AKT1: variants seen among roughly 807,000 people sequenced by gnomAD.
AKT1 encodes AKT serine/threonine kinase 1.
In AKT1, 21 loss-of-function variants were observed where a neutral mutation model predicts 63.1. That is an observed-to-expected ratio of 0.33 (90% confidence interval 0.24 to 0.48). The LOEUF is 0.48. Ranked by LOEUF, AKT1 falls within the 20% of genes least tolerant of loss-of-function variation. The probability of loss-of-function intolerance (pLI) is 0.99; values close to 1 mark genes in which losing one functional copy is unlikely to be tolerated. For missense variants in AKT1, 382 were observed against 666.0 expected (o/e 0.57, Z 4.69); for synonymous variants, 257 against 253.1 (o/e 1.02, Z -0.15).
intron 3 of AKT1, among the ~76,000 whole-genome samples, chr14:104,783,850 C>A (rs1893198792): frequency 6.6e-6 from 1 of 152,222 alleles, no homozygotes; most frequent in Non-Finnish European, 1.5e-5. Flanking sequence ...GGTCCCAGTG[C>A]AACCCCGGCC....
chr14:104,779,209 C>T (rs1445204160), intron 4 of AKT1, among the ~76,000 whole-genome samples: 1 of 152,220 alleles, frequency 6.6e-6, no homozygotes, highest in African/African-American at 2.4e-5. Context: ...CAGGGCGGAG[C>T]AGGGAGCGTC....
intron 3 of AKT1, among the ~76,000 whole-genome samples, chr14:104,782,293 G>A (rs36214562): frequency 0.014 from 2,145 of 151,398 alleles, 30 homozygotes; most frequent in Non-Finnish European, 0.022. Flanking sequence ...GCCACTCCCC[G>A]GGACGCTAAC....
chr14:104,790,863 G>C (rs985797186), intron 3 of AKT1, among the ~76,000 whole-genome samples: 22 of 152,316 alleles, frequency 1.4e-4, no homozygotes, highest in Middle Eastern at 3.4e-3. Context: ...CCGCTCCCTG[G>C]TGTAGATGGG....
rs895455796 is a variant in AKT1 at position 104,795,277 on chromosome 14, G to C, written c.-258+207C>G. ...GCTGGGGCCGGCAGCCTGCACCCCC[G>C]GCGCCCGGCGTGGGGCCGCCCTCCC... On this transcript the variant is annotated intron_variant, in intron 1 of 14. Coordinates refer to ENST00000649815, the MANE Select transcript of AKT1 (RefSeq NM_001382430.1). The surrounding 1 kb of genome is among the most constrained non-coding windows in gnomAD (Gnocchi z 5.1). Among the ~76,000 whole-genome samples, 1 of 150,736 alleles carries C rather than the reference G, an allele frequency of 6.6e-6. No individual in the cohort carries two copies. The highest frequency in any genetic ancestry group is 1.5e-5 in the Non-Finnish European group (1 of 67,548).
rs773607483 is a variant in AKT1 at position 104,772,427 on chromosome 14, T to C, written c.1198A>G (p.Lys400Glu). The C allele has an allele frequency of 2.8e-5, 45 of 1,613,494 alleles. No individual in the cohort carries two copies. Among genetic ancestry groups the C allele is most frequent in the Non-Finnish European group, 3.8e-5 (45 of 1,180,042 alleles). Residue 400 changes from lysine (K) to glutamate (E), a missense_variant, in exon 13 of 15, where the codon AAG becomes GAG. Physicochemically the swap from Lys to Glu is moderately conservative, Grantham distance 56. Around this residue, in one of 3 missense-constraint regions of AKT1, gnomAD observed 90 missense variants for 120.5 expected, o/e 0.75. Coordinates refer to ENST00000649815, the MANE Select transcript of AKT1 (RefSeq NM_001382430.1). ...AAGAAGCGATGCTGCATGATCTCCT[T>C]GGCGTCCTCGGAGCCCCCGCCAAGC... is the stretch of plus-strand genomic sequence containing the variant. ...QRLGGGSEDAKEIMQHRFFAG... is the reference protein window; with the variant it reads ...QRLGGGSEDAEEIMQHRFFAG...
rs61759795 is a variant in AKT1, at chr14:104,784,307, C to T, written c.47-4091G>A. On this transcript the variant is annotated intron_variant, in intron 3 of 14. Coordinates refer to ENST00000649815, the MANE Select transcript of AKT1 (RefSeq NM_001382430.1). ...TGCCTGATGAAACCCGTAACCCTCC[C>T]CACCAGCCAGCACATCCATGGCCCA... 2.3e-3 allele frequency among the ~76,000 whole-genome samples: 347 copies of T among 152,338 alleles called. 1 individual carries two copies. The highest frequency in any genetic ancestry group is 8.0e-3 in the African/African-American group (332 of 41,584).
Position 104,769,834 on chromosome 14 carries a change from G to A in AKT1, c.*507C>T. The A allele has an allele frequency of 2.6e-6, 1 of 390,870 alleles. No homozygotes were observed. Among genetic ancestry groups the A allele is most frequent in the South Asian group, 2.4e-5 (1 of 41,152 alleles). The allele number at this position is 390,870 out of a possible 1,614,324, so 24.2% of individuals were successfully genotyped here. A position where few individuals can be genotyped will look rare whatever the true frequency, so the allele number is the denominator to read the frequency against. ...CCTCAGAGACACGGCCTTAGTGCTG[G>A]GGGGCTGCTGTGTGCCTGCCACCCC... On this transcript the variant is annotated 3_prime_UTR_variant, in exon 15 of 15. Transcript: ENST00000649815.
intron 3 of AKT1, among the ~76,000 whole-genome samples, chr14:104,791,769 T>TA (rs1192049603): frequency 1.3e-5 from 2 of 152,174 alleles, no homozygotes; most frequent in African/African-American, 4.8e-5. Context: ...ATGAGATCAC[T>TA]AGAACTTAGG....
At chr14:104,790,448 C>A (rs1310222456) in intron 3 of AKT1, among the ~76,000 whole-genome samples, 1 of 150,512 alleles carries the variant, frequency 6.6e-6, no homozygotes, top group Non-Finnish European at 1.5e-5. Flanking sequence ...GTACCTCTAA[C>A]CAGTGTTGCG....
At chr14:104,774,818 G>T in intron 8 of AKT1, 120 bp downstream of exon 8, 1 of 1,119,132 alleles carries the variant, frequency 8.9e-7, no homozygotes, top group Non-Finnish European at 1.3e-6. Flanking sequence ...CACCAGCGGC[G>T]GAGTCCACGG....
intron 3 of AKT1, among the ~76,000 whole-genome samples, chr14:104,782,397 C>T (rs1752230249): frequency 6.6e-6 from 1 of 152,102 alleles, no homozygotes; most frequent in South Asian, 2.1e-4. Flanking sequence ...CCAGCATGGC[C>T]CCGTGCTGCC....
chr14:104,773,163 G>A (rs749553301), intron 11 of AKT1, 71 bp from the exon 12 acceptor site: 20 of 1,609,812 alleles, frequency 1.2e-5, no homozygotes, highest in East Asian at 4.5e-5. Context: ...GAGGTGTGAC[G>A]TGCTTGGGGC....
chr14:104,774,195 C>T, intron 8 of AKT1: 1 of 575,682 alleles, frequency 1.7e-6, no homozygotes, highest in South Asian at 1.9e-5. Flanking sequence ...CCACACCATA[C>T]ACCCCCACAT....
intron 1 of AKT1, chr14:104,793,653 C>T (rs957113201): frequency 1.8e-5 from 3 of 168,506 alleles, no homozygotes; most frequent in Admixed American, 6.4e-5. Context: ...AGGCCCCCGC[C>T]CTGCAGCGGC....
intron 4 of AKT1, 156 bp from the exon 5 acceptor site, chr14:104,776,926 C>T: frequency 1.6e-6 from 1 of 619,166 alleles, no homozygotes; most frequent in Non-Finnish European, 2.8e-6. Flanking sequence ...AGTTTCTCGC[C>T]TCACAGAGTG....
chr14:104,794,569 T>TG (rs61757055), intron 1 of AKT1: 131,745 of 152,230 alleles, frequency 0.87, 58,064 homozygotes, highest in Non-Finnish European at 0.92. Flanking sequence ...AAATACTCTG[T>TG]TTTCGAAAGG....
chr14:104,776,336 G>A (rs1455109806), intron 5 of AKT1: 5 of 242,444 alleles, frequency 2.1e-5, no homozygotes, highest in South Asian at 1.4e-4. Flanking sequence ...TAGTAGAGAC[G>A]GGGGTTTCAC....
chr14:104,775,742 C>T lies in AKT1; in HGVS notation c.345G>A (p.Glu115=), dbSNP rs147664316. The change falls in exon 6 of 15, where the codon GAG becomes GAA. Residue 115 remains glutamate, a synonymous_variant. Transcript: ENST00000649815. The part of the protein sequence containing the change: ...TVADGLKKQE[E]EEMDFRSGSP... ...AGCCCGACCGGAAGTCCATCTCCTC[C>T]TCCTCCTGCTTCTTGAGGCCGTCAG... The T allele has an allele frequency of 1.2e-6, 2 of 1,613,958 alleles. No homozygotes were observed. Among genetic ancestry groups the T allele is most frequent in the African/African-American group, 1.3e-5 (1 of 74,916 alleles).
intron 3 of AKT1, among the ~76,000 whole-genome samples, chr14:104,789,377 G>T (rs567361550): frequency 1.3e-5 from 2 of 152,346 alleles, no homozygotes; most frequent in East Asian, 3.9e-4. Context: ...CTCTCCACGG[G>T]GCTAGGCTGC....
Sources: gnomAD v4.1 joint callset for allele counts (sites outside exome capture counted in the v4.1 genomes callset) on GRCh38, gnomAD v4.1.1 for gene constraint, gnomAD v4.1.1 regional missense constraint, Gnocchi (gnomAD v3.1) non-coding constraint, MANE v1.5 for transcripts, NCBI Gene and HGNC (gene_info 2026-07-23, HGNC 2026-07-21) for gene names.